The following POLR2B variants were observed in gnomAD, a reference collection of about 807,000 sequenced individuals.
The protein encoded by POLR2B is RNA polymerase II subunit B.
A neutral mutation model predicts 144.6 loss-of-function variants in POLR2B; 57 were observed. The observed-to-expected ratio is 0.39, with a 90% confidence interval of 0.32 to 0.49. The LOEUF (loss-of-function observed/expected upper bound fraction) is 0.49. Among genes scored for constraint, POLR2B ranks in the 20% least tolerant of loss-of-function variants. The pLI is 0.83. For missense variants in POLR2B, 595 were observed against 1,467.4 expected, an observed-to-expected ratio of 0.41 and a Z score of 9.71; for synonymous variants, 442 against 469.8, an observed-to-expected ratio of 0.94 and a Z score of 0.77.
intron 2 of POLR2B, among the ~76,000 whole-genome samples, chr4:56,987,168 A>G (rs1722360712): frequency 6.6e-6 from 1 of 152,218 alleles, no homozygotes. Flanking sequence ...GTCTCAGTGC[A>G]TCATATCAGG....
intron 2 of POLR2B, among the ~76,000 whole-genome samples, chr4:56,990,034 A>G (rs999222674): frequency 6.6e-6 from 1 of 152,228 alleles, no homozygotes; most frequent in Non-Finnish European, 1.5e-5. Flanking sequence ...TAAGAATTCA[A>G]AATAGAACTA....
intron 10 of POLR2B, 100 bp from the exon 11 acceptor site, chr4:57,010,261 G>T: frequency 2.9e-6 from 3 of 1,044,878 alleles, no homozygotes; most frequent in South Asian, 3.1e-5. Context: ...GGAACAGTTT[G>T]ATACTCAGTA....
At chr4:56,992,408 C>T (rs565485472) in intron 3 of POLR2B, among the ~76,000 whole-genome samples, 3 of 113,450 alleles carry the variant, frequency 2.6e-5, no homozygotes, top group East Asian at 6.3e-4. Flanking sequence ...GAGGTTGCAG[C>T]GAGCTGAGAT....
At chr4:57,010,112 CTAA>C in intron 10 of POLR2B, 2 of 388,988 alleles carry the variant, frequency 5.1e-6, no homozygotes, top group Non-Finnish European at 9.3e-6. Flanking sequence ...CTTCATGAAA[CTAA>C]TGTCCTAGTG....
At chr4:56,984,960 G>A (rs1722272316) in intron 1 of POLR2B, among the ~76,000 whole-genome samples, 2 of 152,100 alleles carry the variant, frequency 1.3e-5, no homozygotes, top group Admixed American at 6.5e-5. Flanking sequence ...TGGATACTGT[G>A]GGTTAGGATT....
At chr4:57,001,211 C>G (rs1722842877) in intron 7 of POLR2B, among the ~76,000 whole-genome samples, 1 of 151,970 alleles carries the variant, frequency 6.6e-6, no homozygotes. Context: ...GCTTTGTCGC[C>G]CAGGCTGGAG....
intron 9 of POLR2B, 140 bp downstream of exon 9, chr4:57,005,859 C>A: frequency 1.4e-6 from 1 of 726,386 alleles, no homozygotes; most frequent in South Asian, 2.5e-5. Context: ...TTGCTATTTG[C>A]TCAGATTTAG....
intron 2 of POLR2B, 90 bp downstream of exon 2, chr4:56,986,516 G>C: frequency 1.4e-6 from 1 of 723,244 alleles, no homozygotes; most frequent in Non-Finnish European, 2.5e-6. Context: ...ATATAAATAT[G>C]CTACATGAGA....
At chr4:57,025,906 A>G (rs116563396) in intron 23 of POLR2B, among the ~76,000 whole-genome samples, 3,843 of 151,714 alleles carry the variant, frequency 0.025, 160 homozygotes, top group African/African-American at 0.088. Flanking sequence ...TTTTTTAACT[A>G]CAGGCATGTG....
At chr4:57,020,860 C>A in intron 16 of POLR2B, 39 bp from the exon 17 acceptor site, 1 of 1,080,768 alleles carries the variant, frequency 9.3e-7, no homozygotes, top group Non-Finnish European at 1.4e-6. Flanking sequence ...TTCTGTTTTC[C>A]AGGTGATGTT....
chr4:56,992,590 C>T (rs1194286770), intron 3 of POLR2B, among the ~76,000 whole-genome samples: 2 of 129,926 alleles, frequency 1.5e-5, no homozygotes, highest in Non-Finnish European at 3.1e-5. Flanking sequence ...GACAGAGTCT[C>T]GCCCTGTTGG....
At chr4:57,003,832 G>T (rs948259120) in intron 7 of POLR2B, among the ~76,000 whole-genome samples, 8 of 151,718 alleles carry the variant, frequency 5.3e-5, no homozygotes, top group African/African-American at 1.9e-4. Context: ...GACAAAGGGA[G>T]ACTGACTGTG....
At chr4:57,018,484 G>C (rs899275954) in intron 16 of POLR2B, among the ~76,000 whole-genome samples, 1 of 152,062 alleles carries the variant, frequency 6.6e-6, no homozygotes, top group African/African-American at 2.4e-5. Context: ...TTTGTGGCTT[G>C]GGTGATTAAA....
intron 6 of POLR2B, among the ~76,000 whole-genome samples, chr4:56,996,923 A>C (rs1346903750): frequency 6.6e-6 from 1 of 152,000 alleles, no homozygotes; most frequent in Non-Finnish European, 1.5e-5. Flanking sequence ...TTTCTCTAGC[A>C]AAACAACAAC....
intron 1 of POLR2B, among the ~76,000 whole-genome samples, chr4:56,979,591 G>A (rs1045204634): frequency 1.3e-5 from 2 of 152,084 alleles, no homozygotes; most frequent in Admixed American, 6.6e-5. Context: ...TGCTGCACTG[G>A]GCCAATGTAT....
At position 57,031,110 on chromosome 4, in the gene POLR2B, T is replaced by C; in HGVS notation, c.*122T>C. ...AAAAAGTATTTTATTTGTTTAATGA[T>C]ATGCATGCTTTTCTTCTGTAAATAT... On this transcript the variant is annotated 3_prime_UTR_variant, in exon 25 of 25. Transcript: ENST00000314595. The C allele has an allele frequency of 2.7e-6, 2 of 730,192 alleles. No homozygotes were observed. Among genetic ancestry groups the C allele is most frequent in the African/African-American group, 1.8e-5 (1 of 56,202 alleles). The allele number at this position is 730,192 out of a possible 1,614,324, so 45.2% of individuals were successfully genotyped here.
rs553505190 is a variant in POLR2B at position 57,023,404 on chromosome 4, G to A, written c.2590G>A (p.Asp864Asn). 6.2e-7 allele frequency: 1 copy of A among 1,614,012 alleles called. No homozygotes were observed. The highest frequency in any genetic ancestry group is 1.3e-5 in the African/African-American group (1 of 75,048). Residue 864 changes from aspartate (D) to asparagine (N), a missense_variant, in exon 19 of 25, where the codon GAT becomes AAT. Transcript: ENST00000314595. The surrounding 1 kb of genome is among the most constrained non-coding windows in gnomAD (Gnocchi z 4.3). ...IAPGVRVSGDDVIIGKTVTLP... is the reference protein window; with the variant it reads ...IAPGVRVSGDNVIIGKTVTLP... ...TCCAGGGGTTCGTGTATCAGGAGAT[G>A]ATGTTATTATAGGCAAAACAGTCAC...
intron 18 of POLR2B, among the ~76,000 whole-genome samples, chr4:57,022,669 A>G (rs946213610): frequency 6.6e-6 from 1 of 152,260 alleles, no homozygotes; most frequent in African/African-American, 2.4e-5. Flanking sequence ...TGTTTCTTCT[A>G]GAAAACTCAA....
intron 7 of POLR2B, among the ~76,000 whole-genome samples, chr4:57,000,706 T>TG (rs71657246): frequency 0.095 from 14,438 of 151,684 alleles, 904 homozygotes; most frequent in African/African-American, 0.17. Flanking sequence ...CTGTTTTTTT[T>TG]GGGGGGGAGG....
Sources: gnomAD v4.1 joint callset for allele counts (sites outside exome capture counted in the v4.1 genomes callset) on GRCh38, gnomAD v4.1.1 for gene constraint, Gnocchi (gnomAD v3.1) non-coding constraint, MANE v1.5 for transcripts, NCBI Gene and HGNC (gene_info 2026-07-23, HGNC 2026-07-21) for gene names.